GNA14: variants seen among roughly 807,000 people sequenced by gnomAD.
The protein encoded by GNA14 is guanine nucleotide-binding protein subunit alpha-14.
Under a neutral mutation model 42.0 loss-of-function variants are expected in GNA14, and 50 were observed. The ratio of observed to expected loss-of-function variants is 1.19; its 90% CI spans 0.95 to 1.51. The LOEUF is 1.51. Among genes scored for constraint, GNA14 ranks in the 40% most tolerant of loss-of-function variants. GNA14 has a pLI of 0.00. For missense variants in GNA14, 473 were observed against 446.2 expected, an observed-to-expected ratio of 1.06 and a Z score of -0.54; for synonymous variants, 173 against 163.1, an observed-to-expected ratio of 1.06 and a Z score of -0.46.
chr9:77,488,738 A>C (rs1396222968), intron 2 of GNA14, among the ~76,000 whole-genome samples: 1 of 151,582 alleles, frequency 6.6e-6, no homozygotes, highest in Admixed American at 6.6e-5. Context: ...AGGAAAAATA[A>C]AATAAATAGT....
At chr9:77,500,075 T>G (rs948131202) in intron 2 of GNA14, among the ~76,000 whole-genome samples, 1 of 151,558 alleles carries the variant, frequency 6.6e-6, no homozygotes, top group African/African-American at 2.4e-5. Context: ...CAGGCTGGAG[T>G]GCAATGGCAC....
intron 1 of GNA14, among the ~76,000 whole-genome samples, chr9:77,608,926 A>G (rs527535943): frequency 3.0e-4 from 46 of 152,162 alleles, no homozygotes; most frequent in Non-Finnish European, 5.7e-4. Flanking sequence ...ATAGCTGATC[A>G]AATCCTTCAT....
chr9:77,551,666 G>A (rs1424107104), intron 1 of GNA14, among the ~76,000 whole-genome samples: 1 of 151,800 alleles, frequency 6.6e-6, no homozygotes, highest in Non-Finnish European at 1.5e-5. Context: ...AAATAGGAAG[G>A]ATTATTCTCC....
At chr9:77,453,731 A>G (rs1835952108) in intron 2 of GNA14, among the ~76,000 whole-genome samples, 1 of 152,228 alleles carries the variant, frequency 6.6e-6, no homozygotes, top group Non-Finnish European at 1.5e-5. Context: ...AGCAAACCTG[A>G]GCAATCATAA....
chr9:77,585,369 A>G (rs1032548327), intron 1 of GNA14, among the ~76,000 whole-genome samples: 6 of 152,204 alleles, frequency 3.9e-5, no homozygotes, highest in African/African-American at 1.4e-4. Flanking sequence ...TATATCTACA[A>G]AGAAAATCTC....
chr9:77,585,967 G>A (rs1003610264), intron 1 of GNA14, among the ~76,000 whole-genome samples: 12 of 152,074 alleles, frequency 7.9e-5, no homozygotes, highest in Non-Finnish European at 1.0e-4. Flanking sequence ...CCTTCTGTCT[G>A]TAACAGTATT....
chr9:77,458,904 A>AG (rs138020529), intron 2 of GNA14, among the ~76,000 whole-genome samples: 9,134 of 134,466 alleles, frequency 0.068, 803 homozygotes, highest in African/African-American at 0.2. Flanking sequence ...CACAAGCTGG[A>AG]GGGGGGGGGG....
In GNA14 at chr9:77,525,689, C is replaced by T. The variant is rs1158863018; in HGVS notation, c.309+3380G>A. ...GAGTAGCTGGGACTACAGGTACCCG[C>T]CAACACGCCCGGCTAATTTTTTTTA... On this transcript the variant is annotated intron_variant, in intron 2 of 6. Transcript: ENST00000341700. Among the ~76,000 whole-genome samples the T allele has an allele frequency of 2.0e-5, 3 of 151,848 alleles. No individual in the cohort carries two copies. In the East Asian group the frequency reaches 5.8e-4, roughly 29 times the overall value.
At chr9:77,487,771 T>A (rs1043372651) in intron 2 of GNA14, among the ~76,000 whole-genome samples, 2 of 152,182 alleles carry the variant, frequency 1.3e-5, no homozygotes, top group African/African-American at 4.8e-5. Context: ...TTACAGATTT[T>A]GAAGGAATTA....
intron 1 of GNA14, among the ~76,000 whole-genome samples, chr9:77,558,685 T>A (rs1303354748): frequency 6.6e-6 from 1 of 152,172 alleles, no homozygotes; most frequent in African/African-American, 2.4e-5. Context: ...TGGACCCATG[T>A]GTCACTGTGT....
chr9:77,544,696 G>C (rs1203251961), intron 1 of GNA14, among the ~76,000 whole-genome samples: 2 of 150,072 alleles, frequency 1.3e-5, no homozygotes, highest in Non-Finnish European at 3.0e-5. Context: ...AAAAAAGAAG[G>C]TTCATGGGTT....
chr9:77,431,627 T>C (rs536955889), intron 3 of GNA14, 178 bp from the exon 4 acceptor site: 4 of 546,470 alleles, frequency 7.3e-6, no homozygotes, highest in Middle Eastern at 4.8e-4. Flanking sequence ...TACGACTGTT[T>C]TGAAGACAAT....
intron 2 of GNA14, among the ~76,000 whole-genome samples, chr9:77,505,671 T>C (rs140265113): frequency 1.3e-5 from 2 of 152,304 alleles, no homozygotes; most frequent in East Asian, 1.9e-4. Context: ...AATTTTCCGA[T>C]GTGACAAAGA....
At chr9:77,509,416 T>C (rs190982472) in intron 2 of GNA14, among the ~76,000 whole-genome samples, 1 of 152,256 alleles carries the variant, frequency 6.6e-6, no homozygotes, top group Non-Finnish European at 1.5e-5. Flanking sequence ...AACATGGGTA[T>C]GTAAAAAGCT....
At chr9:77,594,053 G>A (rs1047308364) in intron 1 of GNA14, among the ~76,000 whole-genome samples, 3 of 152,330 alleles carry the variant, frequency 2.0e-5, no homozygotes, top group African/African-American at 7.2e-5. Flanking sequence ...GGCCTCATCT[G>A]CTGGATTCTC....
intron 3 of GNA14, among the ~76,000 whole-genome samples, chr9:77,432,428 T>C (rs1835571498): frequency 6.6e-6 from 1 of 152,208 alleles, no homozygotes; most frequent in African/African-American, 2.4e-5. Flanking sequence ...GTGTAATTAT[T>C]TGATTTACAC....
intron 2 of GNA14, chr9:77,517,598 T>C (rs1837279396): frequency 1.4e-5 from 1 of 72,306 alleles, no homozygotes; most frequent in Non-Finnish European, 2.6e-5. Flanking sequence ...TTCTTTTTTT[T>C]TTTTTTTTTT....
chr9:77,491,212 G>A (rs1836769423), intron 2 of GNA14, among the ~76,000 whole-genome samples: 1 of 152,200 alleles, frequency 6.6e-6, no homozygotes. Context: ...GCTAAAAGAA[G>A]TTCTTCAGTC....
At chr9:77,544,998 T>C (rs1030456695) in intron 1 of GNA14, among the ~76,000 whole-genome samples, 3 of 152,126 alleles carry the variant, frequency 2.0e-5, no homozygotes, top group African/African-American at 4.8e-5. Flanking sequence ...TGCACAATTA[T>C]GATTGTCCAA....
Sources: allele counts gnomAD v4.1 joint callset (sites outside exome capture counted in the v4.1 genomes callset), GRCh38; gene constraint gnomAD v4.1.1; transcripts MANE v1.5; gene names NCBI Gene and HGNC (gene_info 2026-07-23, HGNC 2026-07-21).